SDK1: variants seen among roughly 807,000 people sequenced by gnomAD.
The protein encoded by SDK1 is protein sidekick-1.
Under a neutral mutation model 245.5 loss-of-function variants are expected in SDK1, and 157 were observed. The observed-to-expected ratio is 0.64, with a 90% CI of 0.56 to 0.73. SDK1 has a LOEUF of 0.73. Ranked by LOEUF, SDK1 falls within the 30% of genes least tolerant of loss-of-function variation. The pLI is 0.00. For missense variants in SDK1, 3,583 were observed against 3,002.3 expected (o/e 1.19, Z -4.52); for synonymous variants, 1,647 against 1,278.5 (o/e 1.29, Z -6.15).
chr7:3,598,341 CTG>C (rs1781136177), intron 1 of SDK1, among the ~76,000 whole-genome samples: 1 of 152,178 alleles, frequency 6.6e-6, no homozygotes, highest in South Asian at 2.1e-4. Context: ...TTCTCTTACT[CTG>C]TGGCTTTCTT....
At chr7:3,724,588 G>A (rs1474751824) in intron 4 of SDK1, among the ~76,000 whole-genome samples, 1 of 152,106 alleles carries the variant, frequency 6.6e-6, no homozygotes, top group African/African-American at 2.4e-5. Context: ...ACTATTAACA[G>A]ACTAAAAATG....
At chr7:3,575,068 C>G (rs1230484585) in intron 1 of SDK1, among the ~76,000 whole-genome samples, 1 of 151,990 alleles carries the variant, frequency 6.6e-6, no homozygotes, top group African/African-American at 2.4e-5. Flanking sequence ...TCTTACAAGA[C>G]AGATTCTTAC....
At chr7:3,905,012 A>C (rs1778847232) in intron 5 of SDK1, among the ~76,000 whole-genome samples, 1 of 151,740 alleles carries the variant, frequency 6.6e-6, no homozygotes, top group Non-Finnish European at 1.5e-5. Context: ...AAAAAAAATA[A>C]TAATAATAAA....
chr7:3,546,173 C>T (rs955995059), intron 1 of SDK1, among the ~76,000 whole-genome samples: 4 of 152,184 alleles, frequency 2.6e-5, no homozygotes, highest in East Asian at 1.9e-4. Flanking sequence ...GGGGTGGGGC[C>T]TGGGAGTCAG....
At chr7:3,933,089 C>T (rs1170013689) in intron 5 of SDK1, among the ~76,000 whole-genome samples, 1 of 151,326 alleles carries the variant, frequency 6.6e-6, no homozygotes, top group African/African-American at 2.4e-5. Context: ...CTCTCTCCAT[C>T]CTCCGCATCC....
rs1781795094 is a variant in SDK1 at position 3,392,904 on chromosome 7, A to G, written c.298+91020A>G. On this transcript the variant is annotated intron_variant, in intron 1 of 44. Coordinates refer to ENST00000404826, the MANE Select transcript of SDK1 (RefSeq NM_152744.4). ...GTTGTTGCCTCCTTTTGGCTATTGC[A>G]AATATTGCTCATGATGAACATTGGC... is the stretch of plus-strand genomic sequence containing the variant. Among the ~76,000 whole-genome samples, 7 of 151,410 alleles carry G rather than the reference A, an allele frequency of 4.6e-5. No homozygotes were observed. The South Asian group carries it at 1.5e-3, about 32-fold the overall frequency.
intron 1 of SDK1, among the ~76,000 whole-genome samples, chr7:3,518,205 C>A: frequency 6.6e-6 from 1 of 152,142 alleles, no homozygotes; most frequent in Non-Finnish European, 1.5e-5. Context: ...TTGTACTATT[C>A]TTTCTGCAGA....
At chr7:3,592,266 TA>T (rs1284171394) in intron 1 of SDK1, among the ~76,000 whole-genome samples, 1 of 152,196 alleles carries the variant, frequency 6.6e-6, no homozygotes, top group East Asian at 1.9e-4. Context: ...CTATCTATCG[TA>T]AAAGATTATG....
At chr7:3,714,412 G>C (rs377746615) in intron 4 of SDK1, among the ~76,000 whole-genome samples, 22 of 152,294 alleles carry the variant, frequency 1.4e-4, no homozygotes, top group African/African-American at 5.3e-4. Flanking sequence ...TTTTCAACCT[G>C]TCAATTACCT....
intron 29 of SDK1, among the ~76,000 whole-genome samples, chr7:4,147,092 C>G (rs1470455372): frequency 6.6e-6 from 1 of 152,216 alleles, no homozygotes; most frequent in Non-Finnish European, 1.5e-5. Context: ...ATGGCCAGAC[C>G]CAGGGACCCT....
At chr7:3,985,128 C>T (rs189992908) in intron 13 of SDK1, among the ~76,000 whole-genome samples, 2 of 152,010 alleles carry the variant, frequency 1.3e-5, no homozygotes, top group East Asian at 3.9e-4. Context: ...ATGGCCAGAC[C>T]CATCCTGGAA....
Position 4,265,145 on chromosome 7 carries a change from G to GACTCTGACT in SDK1, c.6405_6406insTCTGACTAC (p.Asp2135_Ala2136insSerAspTyr). The GACTCTGACT allele has an allele frequency of 6.2e-7, 1 of 1,612,200 alleles. No individual in the cohort carries two copies. The highest frequency in any genetic ancestry group is 8.5e-7 in the Non-Finnish European group (1 of 1,179,622). ...GCAGGCCACGGACTCTGACTACGAG[G>GACTCTGACT]ACGCGCTGCCCAAGCACTCCTTCGT... On this transcript the variant is annotated inframe_insertion, in exon 45 of 45. Coordinates refer to ENST00000404826, the MANE Select transcript of SDK1 (RefSeq NM_152744.4).
At position 3,923,594 on chromosome 7, in the gene SDK1, G is replaced by A. The variant is rs745922708; in HGVS notation, c.848-27329G>A. ...CACCAGCTCAGAAACTCTGGTATGG[G>A]GCCTGGGAATGTGTGTCTTCACAAG... On this transcript the variant is annotated intron_variant, in intron 5 of 44. Coordinates refer to ENST00000404826, the MANE Select transcript of SDK1 (RefSeq NM_152744.4). Among the ~76,000 whole-genome samples the A allele has an allele frequency of 1.4e-3, 219 of 152,304 alleles. 1 individual carries two copies. Among genetic ancestry groups the A allele is most frequent in the Non-Finnish European group, 1.5e-3 (103 of 68,032 alleles).
chr7:3,426,868 G>C (rs1175236021), intron 1 of SDK1, among the ~76,000 whole-genome samples: 2 of 152,168 alleles, frequency 1.3e-5, no homozygotes, highest in African/African-American at 4.8e-5. Flanking sequence ...TCCCTGTCAT[G>C]GTTTTCTGTC....
At chr7:4,161,977 C>A in intron 32 of SDK1, 121 bp downstream of exon 32, 1 of 811,636 alleles carries the variant, frequency 1.2e-6, no homozygotes, top group Non-Finnish European at 2.1e-6. Flanking sequence ...GAGAGTAGAA[C>A]CAAGGAGACA....
intron 34 of SDK1, among the ~76,000 whole-genome samples, 197 bp from the exon 35 acceptor site, chr7:4,178,288 G>T: frequency 6.6e-6 from 1 of 152,158 alleles, no homozygotes; most frequent in East Asian, 1.9e-4. Context: ...TTGCTTAATG[G>T]TGGTGGGTGC....
intron 1 of SDK1, among the ~76,000 whole-genome samples, chr7:3,451,306 G>C (rs139298619): frequency 6.6e-6 from 1 of 152,176 alleles, no homozygotes; most frequent in East Asian, 1.9e-4. Context: ...ACTGAGTCTG[G>C]AGAGAGGAAG....
intron 4 of SDK1, among the ~76,000 whole-genome samples, chr7:3,660,295 A>G (rs2217609): frequency 0.62 from 94,285 of 151,692 alleles, 29,688 homozygotes; most frequent in South Asian, 0.77. Context: ...AGGGCCCAAT[A>G]CCATGGACCA....
chr7:3,544,525 C>A (rs777712678), intron 1 of SDK1, among the ~76,000 whole-genome samples: 2 of 152,212 alleles, frequency 1.3e-5, no homozygotes. Flanking sequence ...GAAAATGAGT[C>A]GTTGGCCTAA....
Sources: allele counts gnomAD v4.1 joint callset (sites outside exome capture counted in the v4.1 genomes callset), GRCh38; gene constraint gnomAD v4.1.1; transcripts MANE v1.5; gene names NCBI Gene and HGNC (gene_info 2026-07-23, HGNC 2026-07-21).